The following UBE3C variants were observed in gnomAD, a reference collection of about 807,000 sequenced individuals.
The protein encoded by UBE3C is ubiquitin protein ligase E3C.
In UBE3C, 42 loss-of-function variants were observed where a neutral mutation model predicts 129.4. The observed-to-expected ratio is 0.32, with a 90% confidence interval of 0.25 to 0.42. UBE3C has a LOEUF of 0.42. Ranked by LOEUF, UBE3C falls within the 10% of genes least tolerant of loss-of-function variation. The pLI is 1.00. For missense variants in UBE3C, 1,049 were observed against 1,319.1 expected, an observed-to-expected ratio of 0.80 and a Z score of 3.17; for synonymous variants, 510 against 492.4, an observed-to-expected ratio of 1.04 and a Z score of -0.47.
chr7:157,163,669 C>G (rs950055488), intron 1 of UBE3C, 141 bp from the exon 2 acceptor site: 2 of 772,116 alleles, frequency 2.6e-6, no homozygotes, highest in Admixed American at 2.9e-5. Context: ...GCCTCAGATT[C>G]TCTCATCTGA....
rs529854574 is a variant in UBE3C at position 157,241,240 on chromosome 7, T to G, written c.2482-7128T>G. Among the ~76,000 whole-genome samples, 102 of 152,252 alleles carry G rather than the reference T, an allele frequency of 6.7e-4. 2 individuals carry two copies. In the South Asian group the frequency reaches 0.021, roughly 31 times the overall value. On this transcript the variant is annotated intron_variant, in intron 18 of 22. Coordinates refer to ENST00000348165, the MANE Select transcript of UBE3C (RefSeq NM_014671.3). Reference sequence around the variant, plus strand: ...GCATAGTCAGGAAAAAATCCCGTCTTAGCTGTGAGACCAGGAGCACAAAAA... The same window carrying G: ...GCATAGTCAGGAAAAAATCCCGTCTGAGCTGTGAGACCAGGAGCACAAAAA...
intron 14 of UBE3C, among the ~76,000 whole-genome samples, chr7:157,218,287 A>G (rs1219667597): frequency 6.6e-6 from 1 of 152,054 alleles, no homozygotes; most frequent in Non-Finnish European, 1.5e-5. Context: ...CTCTACTAAA[A>G]TAAAAAAATT....
intron 17 of UBE3C, among the ~76,000 whole-genome samples, chr7:157,226,782 C>T (rs1338661399): frequency 6.6e-6 from 1 of 151,524 alleles, no homozygotes; most frequent in African/African-American, 2.4e-5. Context: ...CCTCTGATGC[C>T]GAGTGTCATC....
At chr7:157,245,489 T>G (rs1278193662) in intron 18 of UBE3C, among the ~76,000 whole-genome samples, 1 of 152,244 alleles carries the variant, frequency 6.6e-6, no homozygotes, top group African/African-American at 2.4e-5. Context: ...TAACCATCCT[T>G]AACTTTAAAC....
intron 10 of UBE3C, among the ~76,000 whole-genome samples, chr7:157,198,688 CCA>C (rs1303505404): frequency 6.6e-6 from 1 of 152,190 alleles, no homozygotes; most frequent in Admixed American, 6.5e-5. Context: ...GCATGCGCCA[CCA>C]CACCTAGCAA....
intron 13 of UBE3C, among the ~76,000 whole-genome samples, chr7:157,211,668 T>C (rs1433530573): frequency 6.6e-6 from 1 of 152,064 alleles, no homozygotes. Context: ...ATATAAAATT[T>C]GGTTAACCCT....
At chr7:157,264,712 C>T (rs1797030199) in intron 22 of UBE3C, among the ~76,000 whole-genome samples, 1 of 152,158 alleles carries the variant, frequency 6.6e-6, no homozygotes, top group Non-Finnish European at 1.5e-5. Context: ...GGAATTATTA[C>T]AGGCATGCAC....
intron 19 of UBE3C, among the ~76,000 whole-genome samples, chr7:157,251,080 G>A (rs1282915885): frequency 1.3e-5 from 2 of 152,162 alleles, no homozygotes; most frequent in Non-Finnish European, 2.9e-5. Context: ...TTATACTAAA[G>A]AGCCTAATGA....
chr7:157,151,768 G>T (rs1479817299), intron 1 of UBE3C, among the ~76,000 whole-genome samples: 1 of 152,144 alleles, frequency 6.6e-6, no homozygotes, highest in African/African-American at 2.4e-5. Flanking sequence ...GGACCAAGAG[G>T]AGTCAATGAT....
chr7:157,209,222 C>T (rs1239037666), intron 13 of UBE3C, among the ~76,000 whole-genome samples: 1 of 152,200 alleles, frequency 6.6e-6, no homozygotes, highest in Non-Finnish European at 1.5e-5. Context: ...GAGAGTCTCT[C>T]TCCAGCCCGT....
intron 9 of UBE3C, 103 bp from the exon 10 acceptor site, chr7:157,186,731 C>T: frequency 7.3e-7 from 1 of 1,362,770 alleles, no homozygotes; most frequent in East Asian, 2.3e-5. Context: ...TGATGCCTAG[C>T]TTTCTTTGCC....
At chr7:157,244,426 T>C (rs905032843) in intron 18 of UBE3C, among the ~76,000 whole-genome samples, 2 of 152,234 alleles carry the variant, frequency 1.3e-5, no homozygotes, top group Non-Finnish European at 1.5e-5. Context: ...TTTTTTGTTT[T>C]TTAAATTATA....
chr7:157,236,277 G>T (rs1796150595), intron 18 of UBE3C, among the ~76,000 whole-genome samples: 1 of 152,148 alleles, frequency 6.6e-6, no homozygotes, highest in South Asian at 2.1e-4. Context: ...GTCCATTTAA[G>T]CCAATTAAGT....
intron 10 of UBE3C, chr7:157,198,121 C>T: frequency 1.9e-6 from 3 of 1,612,620 alleles, no homozygotes; most frequent in South Asian, 2.2e-5. Context: ...GGTCTCAATT[C>T]TCCATCATCT....
intron 22 of UBE3C, among the ~76,000 whole-genome samples, chr7:157,264,296 TACACACAC>T (rs71189993): frequency 1.8e-5 from 2 of 111,908 alleles, no homozygotes; most frequent in African/African-American, 7.7e-5. Context: ...CTTGGCCTGT[TACACACAC>T]ACACACACAC....
chr7:157,144,633 T>G (rs1807553911), intron 1 of UBE3C, among the ~76,000 whole-genome samples: 1 of 152,120 alleles, frequency 6.6e-6, no homozygotes, highest in South Asian at 2.1e-4. Context: ...TTTTTGTAGA[T>G]CTGACAATAG....
At chr7:157,192,926 C>A (rs994615972) in intron 10 of UBE3C, 2 of 652,716 alleles carry the variant, frequency 3.1e-6, no homozygotes, top group Non-Finnish European at 5.4e-6. Flanking sequence ...CCACTTTCCC[C>A]CATTTTAATT....
At chr7:157,250,622 C>T (rs2116686337) in intron 19 of UBE3C, among the ~76,000 whole-genome samples, 1 of 152,288 alleles carries the variant, frequency 6.6e-6, no homozygotes, top group South Asian at 2.1e-4. Flanking sequence ...CATGCCTGTC[C>T]AAGAGCCATA....
intron 18 of UBE3C, among the ~76,000 whole-genome samples, chr7:157,241,524 C>A (rs1563071286): frequency 6.6e-6 from 1 of 152,254 alleles, no homozygotes; most frequent in Non-Finnish European, 1.5e-5. Context: ...CTGCCGCGCA[C>A]ACCCGCGAGT....
Sources: allele counts gnomAD v4.1 joint callset (sites outside exome capture counted in the v4.1 genomes callset), GRCh38; gene constraint gnomAD v4.1.1; transcripts MANE v1.5; gene names NCBI Gene and HGNC (gene_info 2026-07-23, HGNC 2026-07-21).